PIK3R4: variants seen among roughly 807,000 people sequenced by gnomAD.
PIK3R4 encodes phosphoinositide 3-kinase regulatory subunit 4.
PIK3R4 carries 46 observed loss-of-function variants against 136.5 expected under a neutral mutation model. The ratio of observed to expected loss-of-function variants is 0.34; its 90% CI spans 0.27 to 0.43. PIK3R4 has a LOEUF of 0.43. Ranked by LOEUF, PIK3R4 falls within the 20% of genes least tolerant of loss-of-function variation. PIK3R4 has a pLI of 1.00. For missense variants in PIK3R4, 1,331 were observed against 1,649.5 expected (o/e 0.81, Z 3.35); for synonymous variants, 557 against 566.7 (o/e 0.98, Z 0.24).
chr3:130,680,069 A>G (rs2066448003), intron 19 of PIK3R4, among the ~76,000 whole-genome samples: 2 of 151,750 alleles, frequency 1.3e-5, no homozygotes, highest in Non-Finnish European at 2.9e-5. Context: ...TCAAAAAAAA[A>G]AAAAAAAAAA....
Position 130,735,990 on chromosome 3 carries a change from G to T in PIK3R4, c.746C>A (p.Ala249Asp). 1.2e-6 allele frequency: 2 copies of T among 1,608,732 alleles called. No homozygotes were observed. The highest frequency in any genetic ancestry group is 8.5e-7 in the Non-Finnish European group (1 of 1,178,280). ...MDIFSAGCVI[A>D]ELFTEGVPLF... ...TGGTACACCTTCTGTAAAAAGCTCA[G>T]CTATCACACAACCTGAAAAATAGCA... Residue 249 changes from alanine (A) to aspartate (D), a missense_variant, in exon 3 of 20, where the codon GCT (alanine) becomes GAT (aspartate). Ala to Asp is a moderately radical substitution (Grantham distance 126, BLOSUM62 -2). Around this residue, in one of 2 missense-constraint regions of PIK3R4, gnomAD observed 1,180 missense variants for 1,407.0 expected, o/e 0.84. Coordinates refer to ENST00000356763, the MANE Select transcript of PIK3R4 (RefSeq NM_014602.3).
rs557452596 is a variant in PIK3R4, at chr3:130,746,399, A to G, written c.-128T>C. The G allele has an allele frequency of 6.6e-6, 1 of 152,398 alleles. No homozygotes were observed. Among genetic ancestry groups the G allele is most frequent in the East Asian group, 1.9e-4 (1 of 5,186 alleles). The allele number at this position is 152,398 out of a possible 1,614,324, so 9.4% of individuals were successfully genotyped here. A position where few individuals can be genotyped will look rare whatever the true frequency, so the allele number is the denominator to read the frequency against. Reference sequence around the variant, plus strand: ...GACTACTTCGGGGACGGGACGGGAAAACGCGTCAGCAGCGGGGAAGTTGTT... The same window carrying G: ...GACTACTTCGGGGACGGGACGGGAAGACGCGTCAGCAGCGGGGAAGTTGTT... On this transcript the variant is annotated 5_prime_UTR_variant, in exon 1 of 20. Transcript: ENST00000356763.
intron 9 of PIK3R4, among the ~76,000 whole-genome samples, chr3:130,715,142 T>TTTTTTTTTTTTTTTTG (rs2066656659): frequency 6.7e-6 from 1 of 149,034 alleles, no homozygotes; most frequent in Admixed American, 6.7e-5. Flanking sequence ...TTTTTTTTTT[T>TTTTTTTTTTTTTTTTG]GGAGACAGAG....
intron 4 of PIK3R4, among the ~76,000 whole-genome samples, chr3:130,731,941 G>T (rs2066762083): frequency 6.6e-6 from 1 of 152,196 alleles, no homozygotes; most frequent in East Asian, 1.9e-4. Flanking sequence ...AGTGAGCCAT[G>T]ATCTCCCCAC....
chr3:130,717,028 T>TA (rs1281538057), intron 8 of PIK3R4, among the ~76,000 whole-genome samples: 1 of 152,220 alleles, frequency 6.6e-6, no homozygotes, highest in African/African-American at 2.4e-5. Context: ...CAACCACTTC[T>TA]AAAAAACATT....
At chr3:130,734,173 A>T (rs556883455) in intron 3 of PIK3R4, 43 bp from the exon 4 acceptor site, 1 of 1,488,192 alleles carries the variant, frequency 6.7e-7, no homozygotes, top group African/African-American at 1.4e-5. Context: ...ATTTGAGAAT[A>T]GAAAAGTAAA....
intron 6 of PIK3R4, among the ~76,000 whole-genome samples, chr3:130,725,460 C>T (rs1481942800): frequency 6.6e-6 from 1 of 151,076 alleles, no homozygotes; most frequent in Non-Finnish European, 1.5e-5. Context: ...ACATCACAGA[C>T]CAAAAATAAA....
At chr3:130,712,038 T>C (rs1402240577) in intron 9 of PIK3R4, among the ~76,000 whole-genome samples, 4 of 152,218 alleles carry the variant, frequency 2.6e-5, no homozygotes, top group Admixed American at 6.5e-5. Context: ...CAGGGAGCTA[T>C]TGTAGATGGA....
At chr3:130,723,999 A>AT (rs978718824) in intron 6 of PIK3R4, 3 of 152,890 alleles carry the variant, frequency 2.0e-5, no homozygotes, top group African/African-American at 7.2e-5. Context: ...TGTAAGGACT[A>AT]TTAAAAGTTT....
chr3:130,721,985 A>G (rs1455009943), intron 7 of PIK3R4, among the ~76,000 whole-genome samples: 4 of 152,172 alleles, frequency 2.6e-5, no homozygotes, highest in African/African-American at 9.6e-5. Context: ...ATATCAAAAT[A>G]TCATGTTGAA....
intron 17 of PIK3R4, 24 bp from the exon 18 acceptor site, chr3:130,681,089 CAAAT>C (rs781731937): frequency 2.9e-5 from 36 of 1,234,544 alleles, no homozygotes; most frequent in Non-Finnish European, 4.0e-5. Flanking sequence ...GATGTGGAGT[CAAAT>C]AAAAGACATC....
intron 16 of PIK3R4, among the ~76,000 whole-genome samples, chr3:130,682,181 C>T (rs909914621): frequency 1.3e-5 from 2 of 152,082 alleles, no homozygotes; most frequent in African/African-American, 4.8e-5. Flanking sequence ...AAATTAAGGA[C>T]CTTGAGACAG....
intron 13 of PIK3R4, 39 bp downstream of exon 13, chr3:130,703,684 T>C (rs2066591662): frequency 6.7e-7 from 1 of 1,488,752 alleles, no homozygotes; most frequent in Non-Finnish European, 9.3e-7. Context: ...ATTTGTTGAT[T>C]TGAATTAATG....
In PIK3R4 at chr3:130,679,221, AAATT is replaced by A. The variant is rs1183816404; in HGVS notation, c.*90_*93del. ...CAGTAATATGGAGACATAATTTTGAAAATTAAGCAAATGAATCTGTTCTCTAGAA... is the reference window on the plus strand; with the variant it reads ...CAGTAATATGGAGACATAATTTTGAAAAGCAAATGAATCTGTTCTCTAGAA... On this transcript the variant is annotated 3_prime_UTR_variant, in exon 20 of 20. Transcript: ENST00000356763. 5 of 754,718 alleles carry A rather than the reference AAATT, an allele frequency of 6.6e-6. No homozygotes were observed. In the East Asian group the frequency reaches 9.3e-5, roughly 14 times the overall value. 46.8% of individuals were successfully genotyped at this position (754,718 alleles called of 1,614,324 possible). A position where few individuals can be genotyped will look rare whatever the true frequency, so the allele number is the denominator to read the frequency against.
rs2066771668 is a variant in PIK3R4 at position 130,733,812 on chromosome 3, G to C, written c.1186C>G (p.Leu396Val). The C allele has an allele frequency of 6.2e-7, 1 of 1,614,084 alleles. No individual in the cohort carries two copies. Among genetic ancestry groups the C allele is most frequent in the Non-Finnish European group, 8.5e-7 (1 of 1,179,930 alleles). ...TGAAGAATCAGTTCCAAAGCAGCTA[G>C]TTTGGAATCACAGTATTTAAGGGTC... ...LQTLKYCDSK[L>V]AALELILHLA... is the part of the protein sequence containing the mutation. Residue 396 changes from leucine (L) to valine (V), a missense_variant, in exon 4 of 20, where the codon CTA (leucine) becomes GTA (valine). Around this residue, in one of 2 missense-constraint regions of PIK3R4, gnomAD observed 1,180 missense variants for 1,407.0 expected, o/e 0.84. Transcript: ENST00000356763.
intron 13 of PIK3R4, among the ~76,000 whole-genome samples, chr3:130,693,507 G>GTATC (rs569252069): frequency 3.0e-3 from 451 of 152,278 alleles, no homozygotes; most frequent in South Asian, 5.6e-3. Flanking sequence ...GTGTGAAGGA[G>GTATC]TATCTCACTG....
In PIK3R4 at chr3:130,680,965, G is replaced by A. The variant is rs746031819; in HGVS notation, c.3797+12C>T. 4.5e-6 allele frequency: 6 copies of A among 1,320,678 alleles called. No individual in the cohort carries two copies. The highest frequency in any genetic ancestry group is 5.4e-6 in the Non-Finnish European group (5 of 930,796). 81.8% of individuals were successfully genotyped at this position (1,320,678 alleles called of 1,614,324 possible). A position where few individuals can be genotyped will look rare whatever the true frequency, so the allele number is the denominator to read the frequency against. ...AAAGTATCCATTTTATTAAAGTATTGAGATAGTGTACCTTATTTTCATATC... is the reference window on the plus strand; with the variant it reads ...AAAGTATCCATTTTATTAAAGTATTAAGATAGTGTACCTTATTTTCATATC... On this transcript the variant is annotated intron_variant, in intron 18 of 19. Coordinates refer to ENST00000356763, the MANE Select transcript of PIK3R4 (RefSeq NM_014602.3).
intron 13 of PIK3R4, among the ~76,000 whole-genome samples, chr3:130,702,523 T>A (rs1448094510): frequency 6.6e-6 from 1 of 152,238 alleles, no homozygotes; most frequent in Non-Finnish European, 1.5e-5. Flanking sequence ...TTGATGATTT[T>A]GTGGCTAATT....
chr3:130,681,674 G>A, intron 16 of PIK3R4, 83 bp from the exon 17 acceptor site: 2 of 755,092 alleles, frequency 2.6e-6, no homozygotes, highest in Non-Finnish European at 4.5e-6. Flanking sequence ...AGTCCTGAGA[G>A]AAAGAAAGAA....
Sources: gnomAD v4.1 joint callset for allele counts (sites outside exome capture counted in the v4.1 genomes callset) on GRCh38, gnomAD v4.1.1 for gene constraint, gnomAD v4.1.1 regional missense constraint, MANE v1.5 for transcripts, NCBI Gene and HGNC (gene_info 2026-07-23, HGNC 2026-07-21) for gene names.